Variants in IQGAP2 observed in about 807,000 individuals in gnomAD.
IQGAP2 encodes ras GTPase-activating-like protein IQGAP2.
Under a neutral mutation model 201.3 loss-of-function variants are expected in IQGAP2, and 173 were observed. The ratio of observed to expected loss-of-function variants is 0.86; its 90% CI spans 0.76 to 0.98. The LOEUF is 0.98. Among genes scored for constraint, IQGAP2 ranks in the 50% least tolerant of loss-of-function variants. The probability of loss-of-function intolerance (pLI) is 0.00; values close to 1 mark genes in which losing one functional copy is unlikely to be tolerated. For missense variants in IQGAP2, 1,687 were observed against 1,864.8 expected (o/e 0.90, Z 1.76); for synonymous variants, 675 against 673.9 (o/e 1.00, Z -0.03).
intron 13 of IQGAP2, among the ~76,000 whole-genome samples, chr5:76,614,618 T>C (rs1470328240): frequency 7.4e-6 from 1 of 135,250 alleles, no homozygotes; most frequent in East Asian, 2.1e-4. Context: ...TTTTTTTTTT[T>C]TTTTTTTTTT....
chr5:76,570,540 GGT>G lies in IQGAP2; in HGVS notation c.304-39_304-38del, dbSNP rs775920127. ...ATTGCAAATGACTCACTTTTTGTGT[GGT>G]TCCTTCTCTCCCTTTTTCCCTCCTA... On this transcript the variant is annotated intron_variant, in intron 3 of 35. Coordinates refer to ENST00000274364, the MANE Select transcript of IQGAP2 (RefSeq NM_006633.5). 23 of 1,390,436 alleles carry G rather than the reference GGT, an allele frequency of 1.7e-5. No homozygotes were observed. The African/African-American group carries it at 3.0e-4, about 18-fold the overall frequency. The allele number at this position is 1,390,436 out of a possible 1,614,324, so 86.1% of individuals were successfully genotyped here.
At chr5:76,554,185 A>G (rs1037249731) in intron 2 of IQGAP2, among the ~76,000 whole-genome samples, 4 of 152,238 alleles carry the variant, frequency 2.6e-5, no homozygotes, top group African/African-American at 9.6e-5. Context: ...CTCACCTCAC[A>G]TCATATACAG....
chr5:76,409,501 C>T (rs1452102896), intron 1 of IQGAP2, among the ~76,000 whole-genome samples: 2 of 152,110 alleles, frequency 1.3e-5, no homozygotes, highest in African/African-American at 4.8e-5. Flanking sequence ...CCTTCCTCAG[C>T]CTCCCAAATT....
In IQGAP2 at chr5:76,500,028, A is replaced by G. The variant is rs114587325; in HGVS notation, c.146+38359A>G. On this transcript the variant is annotated intron_variant, in intron 2 of 35. Coordinates refer to ENST00000274364, the MANE Select transcript of IQGAP2 (RefSeq NM_006633.5). ...GAGGCTGAGTCAGGAAGATTGCTTGAGCGTGGGAGGTTGAGGTTGCAGGGA... is the reference window on the plus strand; with the variant it reads ...GAGGCTGAGTCAGGAAGATTGCTTGGGCGTGGGAGGTTGAGGTTGCAGGGA... Among the ~76,000 whole-genome samples, 706 of 152,246 alleles carry G rather than the reference A, an allele frequency of 4.6e-3. 5 individuals are homozygous for G. The highest frequency in any genetic ancestry group is 0.016 in the African/African-American group (673 of 41,540).
chr5:76,683,998 T>C (rs1745529150), intron 30 of IQGAP2, 81 bp downstream of exon 30: 2 of 1,251,608 alleles, frequency 1.6e-6, no homozygotes, highest in Non-Finnish European at 2.2e-6. Context: ...AAATCCCAAC[T>C]AATTTATTTA....
intron 2 of IQGAP2, among the ~76,000 whole-genome samples, chr5:76,462,286 A>G (rs1754505149): frequency 6.6e-6 from 1 of 152,236 alleles, no homozygotes; most frequent in Admixed American, 6.5e-5. Context: ...GGACAGTGGC[A>G]TATCAGACTG....
At chr5:76,551,478 CG>C (rs1561456642) in intron 2 of IQGAP2, among the ~76,000 whole-genome samples, 1 of 152,054 alleles carries the variant, frequency 6.6e-6, no homozygotes, top group East Asian at 1.9e-4. Flanking sequence ...GCTGCAATCT[CG>C]GCACTTTGGG....
chr5:76,444,488 G>A (rs1263262424), intron 1 of IQGAP2, among the ~76,000 whole-genome samples: 6 of 152,032 alleles, frequency 3.9e-5, no homozygotes, highest in Admixed American at 1.3e-4. Context: ...TAGTAGAGAC[G>A]GGGTTTCACC....
intron 5 of IQGAP2, among the ~76,000 whole-genome samples, chr5:76,576,485 G>A (rs1014994791): frequency 1.3e-5 from 2 of 152,304 alleles, no homozygotes; most frequent in South Asian, 4.1e-4. Context: ...ATGTACACAG[G>A]TAATGGTTTT....
chr5:76,657,443 A>G (rs1742845762), intron 20 of IQGAP2, among the ~76,000 whole-genome samples: 1 of 152,236 alleles, frequency 6.6e-6, no homozygotes, highest in Admixed American at 6.5e-5. Flanking sequence ...CCATTTATGC[A>G]GTTGTTTGTG....
chr5:76,482,933 G>A (rs1755876097), intron 2 of IQGAP2, among the ~76,000 whole-genome samples: 1 of 152,120 alleles, frequency 6.6e-6, no homozygotes, highest in Non-Finnish European at 1.5e-5. Context: ...TATGAAATGG[G>A]TCCAGGAACA....
intron 21 of IQGAP2, among the ~76,000 whole-genome samples, chr5:76,663,306 G>A (rs544640866): frequency 1.3e-5 from 2 of 152,248 alleles, no homozygotes; most frequent in Non-Finnish European, 2.9e-5. Flanking sequence ...AGGACACTGG[G>A]CCAGCATTCC....
intron 1 of IQGAP2, among the ~76,000 whole-genome samples, chr5:76,419,007 G>C (rs1212588919): frequency 6.6e-6 from 1 of 152,174 alleles, no homozygotes; most frequent in East Asian, 1.9e-4. Context: ...CTAATTCATA[G>C]TTGTCAACCT....
intron 1 of IQGAP2, among the ~76,000 whole-genome samples, chr5:76,453,050 G>A (rs1753866986): frequency 6.6e-6 from 1 of 151,822 alleles, no homozygotes; most frequent in Non-Finnish European, 1.5e-5. Context: ...TGAGTAGCTG[G>A]GATTACAGGC....
At position 76,707,257 on chromosome 5, in the gene IQGAP2, A is replaced by G. The variant is rs779541953; in HGVS notation, c.4672A>G (p.Lys1558Glu). The G allele has an allele frequency of 2.5e-6, 4 of 1,586,662 alleles. No individual in the cohort carries two copies. The South Asian group carries it at 4.4e-5, about 18-fold the overall frequency. ...TGTAATGAAAATGTTTGATAAGGTT[A>G]AAGTGAATGTAAACCTTCTCATATA... is the stretch of plus-strand genomic sequence containing the variant. ...VAVMKMFDKV[K>E]VNVNLLIYLL... is the part of the protein sequence containing the mutation. Residue 1558 changes from lysine (K) to glutamate (E), a missense_variant, in exon 36 of 36, where the codon AAA becomes GAA. By Grantham distance (56) the Lys-to-Glu change is moderately conservative (BLOSUM62 1). Transcript: ENST00000274364.
rs575516349 is a variant in IQGAP2 at position 76,468,019 on chromosome 5, C to A, written c.146+6350C>A. ...TTCTTTTTGGGCTGATAAAAATATT[C>A]TAAAATTGATTGTGGTGATGGTTGC... is the stretch of plus-strand genomic sequence containing the variant. On this transcript the variant is annotated intron_variant, in intron 2 of 35. Transcript: ENST00000274364. 2.0e-5 allele frequency among the ~76,000 whole-genome samples: 3 copies of A among 152,166 alleles called. No homozygotes were observed. In the East Asian group the frequency reaches 5.8e-4, roughly 29 times the overall value.
At chr5:76,559,129 C>T (rs74462895) in intron 2 of IQGAP2, among the ~76,000 whole-genome samples, 10,076 of 152,186 alleles carry the variant, frequency 0.066, 742 homozygotes, top group East Asian at 0.43. Flanking sequence ...TCTCTATCTC[C>T]TGACCTCGTG....
At chr5:76,579,126 C>T (rs547895105) in intron 5 of IQGAP2, among the ~76,000 whole-genome samples, 1 of 151,978 alleles carries the variant, frequency 6.6e-6, no homozygotes, top group East Asian at 2.0e-4. Flanking sequence ...GGTGAAATGC[C>T]CAGGTACGTT....
At chr5:76,654,459 T>C (rs1331938518) in intron 19 of IQGAP2, among the ~76,000 whole-genome samples, 188 bp downstream of exon 19, 1 of 152,214 alleles carries the variant, frequency 6.6e-6, no homozygotes, top group Non-Finnish European at 1.5e-5. Flanking sequence ...TGTTGAGAGT[T>C]AGACTTCACC....
Sources: allele counts gnomAD v4.1 joint callset (sites outside exome capture counted in the v4.1 genomes callset), GRCh38; gene constraint gnomAD v4.1.1; transcripts MANE v1.5; gene names NCBI Gene and HGNC (gene_info 2026-07-23, HGNC 2026-07-21).